Variants in TOP6BL observed in about 807,000 individuals in gnomAD.
The protein encoded by TOP6BL is type 2 DNA topoisomerase 6 subunit B-like.
the TOP6BL span, among the ~76,000 whole-genome samples, chr11:66,785,846 T>A: frequency 6.6e-6 from 1 of 152,212 alleles, no homozygotes; most frequent in African/African-American, 2.4e-5. Context: ...CTATGAGTGT[T>A]ACAGTATTAG....
the TOP6BL span, among the ~76,000 whole-genome samples, chr11:66,780,118 C>A: frequency 6.6e-6 from 1 of 151,736 alleles, no homozygotes; most frequent in African/African-American, 2.4e-5. Flanking sequence ...ATGTAACAAA[C>A]CTGCACGTTG....
chr11:66,778,917 A>T, the TOP6BL span, among the ~76,000 whole-genome samples: 1 of 152,226 alleles, frequency 6.6e-6, no homozygotes, highest in East Asian at 1.9e-4. Flanking sequence ...TGGGGAAAGG[A>T]TTCCCTATTT....
the TOP6BL span, among the ~76,000 whole-genome samples, chr11:66,836,544 A>C: frequency 1.4e-4 from 21 of 147,838 alleles, no homozygotes; most frequent in African/African-American, 5.2e-4. Context: ...TTGTTAAATT[A>C]TTGAGTTATG....
the TOP6BL span, chr11:66,758,302 C>CTTTTCTT: frequency 1.5e-5 from 1 of 65,500 alleles, no homozygotes; most frequent in Non-Finnish European, 2.5e-5. Flanking sequence ...TTTTCTTTTT[C>CTTTTCTT]TTTTTTTTTT....
At chr11:66,752,849 C>T in the TOP6BL span, among the ~76,000 whole-genome samples, 210 of 152,226 alleles carry the variant, frequency 1.4e-3, 2 homozygotes, top group Middle Eastern at 0.034. Flanking sequence ...AGTGGCTTGG[C>T]CAGGCGCGGT....
chr11:66,841,358 T>G, the TOP6BL span, among the ~76,000 whole-genome samples: 2 of 152,024 alleles, frequency 1.3e-5, no homozygotes, highest in Admixed American at 1.3e-4. Flanking sequence ...CCTCGTGATC[T>G]GCCCGCCTCG....
the TOP6BL span, chr11:66,821,694 A>T: frequency 1.2e-6 from 2 of 1,612,768 alleles, no homozygotes; most frequent in Non-Finnish European, 1.7e-6. Context: ...GTGGAGAGCC[A>T]CAGTGTAGTG....
At chr11:66,839,023 G>A in the TOP6BL span, 32 of 419,544 alleles carry the variant, frequency 7.6e-5, no homozygotes, top group Non-Finnish European at 1.4e-4. Flanking sequence ...GAGCCACCGC[G>A]CCCGGCCTGG....
At chr11:66,756,401 C>T in the TOP6BL span, 21 of 1,142,792 alleles carry the variant, frequency 1.8e-5, no homozygotes, top group South Asian at 2.7e-4. Context: ...GGCGCAGTCT[C>T]GGCTCACTGC....
chr11:66,759,121 A>G, the TOP6BL span: 1 of 1,430,572 alleles, frequency 7.0e-7, no homozygotes. Context: ...AACTTCCATG[A>G]GACTGAATAT....
the TOP6BL span, chr11:66,744,854 C>T: frequency 2.3e-6 from 3 of 1,306,192 alleles, no homozygotes; most frequent in African/African-American, 3.1e-5. Context: ...GGGCGGGTAC[C>T]CTTCGACTGG....
the TOP6BL span, among the ~76,000 whole-genome samples, chr11:66,783,717 C>T: frequency 1.3e-5 from 2 of 152,142 alleles, no homozygotes; most frequent in Non-Finnish European, 2.9e-5. Flanking sequence ...TCTTCTGGAT[C>T]TATTTTTAAT....
chr11:66,842,578 A>G, the TOP6BL span, among the ~76,000 whole-genome samples: 1 of 152,122 alleles, frequency 6.6e-6, no homozygotes, highest in Non-Finnish European at 1.5e-5. Context: ...ATCTATACAG[A>G]AAGTTACTGA....
At chr11:66,774,198 C>G in the TOP6BL span, among the ~76,000 whole-genome samples, 1 of 151,976 alleles carries the variant, frequency 6.6e-6, no homozygotes, top group South Asian at 2.1e-4. Flanking sequence ...CTTTTCCAAA[C>G]AGATTGCTAC....
chr11:66,836,843 G>C, the TOP6BL span, among the ~76,000 whole-genome samples: 1 of 151,092 alleles, frequency 6.6e-6, no homozygotes. Context: ...TGGGATTACA[G>C]GTGTGCGCCA....
At chr11:66,776,295 G>A in the TOP6BL span, among the ~76,000 whole-genome samples, 1 of 151,948 alleles carries the variant, frequency 6.6e-6, no homozygotes, top group Admixed American at 6.6e-5. Context: ...CTGACCTCAA[G>A]TGATCTGCCT....
At chr11:66,843,036 G>A in the TOP6BL span, 1 of 1,556,538 alleles carries the variant, frequency 6.4e-7, no homozygotes, top group Non-Finnish European at 8.7e-7. Flanking sequence ...GGGCCCTGGC[G>A]CCGGGCAGGG....
chr11:66,760,947 T>A, the TOP6BL span, among the ~76,000 whole-genome samples: 5 of 152,022 alleles, frequency 3.3e-5, no homozygotes, highest in Non-Finnish European at 7.4e-5. Flanking sequence ...AATTAAAATT[T>A]GAATTTATAC....
chr11:66,765,440 G>A, the TOP6BL span, among the ~76,000 whole-genome samples: 5 of 152,200 alleles, frequency 3.3e-5, no homozygotes, highest in Non-Finnish European at 7.3e-5. Context: ...GTAGCCAACT[G>A]TAGCCTAAGT....
Sources: gnomAD v4.1 joint callset for allele counts (sites outside exome capture counted in the v4.1 genomes callset) on GRCh38, gnomAD v4.1.1 for gene constraint, MANE v1.5 for transcripts, NCBI Gene and HGNC (gene_info 2026-07-23, HGNC 2026-07-21) for gene names.